ICAM2: variants seen among roughly 807,000 people sequenced by gnomAD.
ICAM2 encodes ICAM-2.
Under a neutral mutation model 19.1 loss-of-function variants are expected in ICAM2, and 14 were observed. That is an observed-to-expected ratio of 0.73 (90% CI 0.48 to 1.15). The LOEUF is 1.15. Ranked by LOEUF, ICAM2 falls within the 50% of genes most tolerant of loss-of-function variation. ICAM2 has a pLI of 0.00. For synonymous variants in ICAM2, 153 were observed against 152.7 expected (o/e 1.00, Z -0.01); for missense variants, 311 against 355.4 (o/e 0.88, Z 1.00).
intron 1 of ICAM2, among the ~76,000 whole-genome samples, chr17:64,007,142 G>A (rs969153482): frequency 1.5e-4 from 23 of 152,238 alleles, no homozygotes; most frequent in Non-Finnish European, 2.6e-4. Flanking sequence ...CATAGCAAAA[G>A]GGGACAGTGA....
At chr17:64,003,621 T>TC in intron 4 of ICAM2, 23 bp downstream of exon 4, 1 of 1,598,696 alleles carries the variant, frequency 6.3e-7, no homozygotes, top group East Asian at 2.2e-5. Flanking sequence ...CACTCCCAAC[T>TC]CCATCCACGG....
chr17:64,003,999 TG>T (rs781277327), intron 3 of ICAM2, 35 bp from the exon 4 acceptor site: 2 of 1,511,420 alleles, frequency 1.3e-6, no homozygotes, highest in South Asian at 1.2e-5. Context: ...CTGGTCAGGA[TG>T]GGGGTGCAGT....
chr17:64,014,718 GAAGGAAGA>G (rs1327373159), intron 1 of ICAM2, among the ~76,000 whole-genome samples: 69 of 9,620 alleles, frequency 7.2e-3, no homozygotes, highest in Admixed American at 0.022. Flanking sequence ...AGGAAGGAAG[GAAGGAAGA>G]AAGAAAGAAA....
At chr17:64,006,373 C>G (rs1911208302) in intron 2 of ICAM2, 5 of 438,492 alleles carry the variant, frequency 1.1e-5, no homozygotes, top group Admixed American at 3.9e-5. Flanking sequence ...CATGGTGGCT[C>G]TCACCTGTGA....
intron 1 of ICAM2, among the ~76,000 whole-genome samples, chr17:64,010,525 C>T (rs1911406687): frequency 8.0e-6 from 1 of 124,328 alleles, no homozygotes; most frequent in Non-Finnish European, 1.7e-5. Flanking sequence ...AGTGACTTTC[C>T]TCTCTTGTTT....
intron 1 of ICAM2, among the ~76,000 whole-genome samples, chr17:64,009,548 A>G (rs748656479): frequency 3.7e-4 from 57 of 152,246 alleles, no homozygotes; most frequent in Non-Finnish European, 6.8e-4. Context: ...CCTGGGTTCA[A>G]GTGATTCTCC....
rs187424357 is a variant in ICAM2 at position 64,012,061 on chromosome 17, T to C, written c.-44-5326A>G. Among the ~76,000 whole-genome samples, 5 of 152,320 alleles carry C rather than the reference T, an allele frequency of 3.3e-5. No individual in the cohort carries two copies. In the East Asian group the frequency reaches 5.8e-4, roughly 18 times the overall value. On this transcript the variant is annotated intron_variant, in intron 1 of 4. Transcript: ENST00000579788. ...ATGGATAAAGAAAATCTGATACATA[T>C]ATACAGTGGAATACTATTCAGCCTT...
intron 1 of ICAM2, among the ~76,000 whole-genome samples, chr17:64,008,704 C>G (rs1911320797): frequency 6.6e-6 from 1 of 152,202 alleles, no homozygotes; most frequent in South Asian, 2.1e-4. Context: ...GAGCCTGGTT[C>G]CCAGGAGACC....
At position 64,002,916 on chromosome 17, in the gene ICAM2, G is replaced by A. The variant is rs752562997; in HGVS notation, c.659C>T (p.Ser220Leu). The A allele has an allele frequency of 5.0e-6, 8 of 1,613,212 alleles. No homozygotes were observed. Among genetic ancestry groups the A allele is most frequent in the Non-Finnish European group, 6.8e-6 (8 of 1,179,668 alleles). The change falls in exon 5 of 5, where the codon TCG becomes TTG. Residue 220 changes from serine to leucine, a missense_variant. Transcript: ENST00000579788. ...GACTATGATGACCATCTGGCTGTCC[G>A]ACACAGGCTCTGGGGAGGGAGGGGG... ...PKMLEIYEPVSDSQMVIIVTV... is the reference protein window; with the variant it reads ...PKMLEIYEPVLDSQMVIIVTV...
chr17:64,004,561 G>A (rs1024104292), intron 3 of ICAM2: 5 of 172,682 alleles, frequency 2.9e-5, no homozygotes, highest in South Asian at 1.4e-4. Context: ...ATGTTTTTCT[G>A]TTCATTGATC....
In ICAM2 at chr17:64,005,263, C is replaced by A. The variant is rs1254256952; in HGVS notation, c.172G>T (p.Gly58Cys). ...TTATCTAGAGAGGTCTCCAGACCACCCACTTCAGGCTGGTTACAGGTGGTG... is the reference window on the plus strand; with the variant it reads ...TTATCTAGAGAGGTCTCCAGACCACACACTTCAGGCTGGTTACAGGTGGTG... ...CSTTCNQPEVGGLETSLDKIL... is the reference protein window; with the variant it reads ...CSTTCNQPEVCGLETSLDKIL... The change falls in exon 3 of 5, where the codon GGT becomes TGT. Residue 58 changes from glycine (G) to cysteine (C), a missense_variant. Transcript: ENST00000579788. The A allele has an allele frequency of 6.2e-7, 1 of 1,614,124 alleles. No individual in the cohort carries two copies. The highest frequency in any genetic ancestry group is 8.5e-7 in the Non-Finnish European group (1 of 1,180,012).
chr17:64,010,224 C>A (rs1198786715), intron 1 of ICAM2, among the ~76,000 whole-genome samples: 1 of 152,164 alleles, frequency 6.6e-6, no homozygotes, highest in African/African-American at 2.4e-5. Context: ...GCCTACACAC[C>A]TGTTGGTCCT....
At chr17:64,018,800 C>A (rs1242797756) in intron 1 of ICAM2, among the ~76,000 whole-genome samples, 2 of 139,928 alleles carry the variant, frequency 1.4e-5, no homozygotes, top group African/African-American at 5.4e-5. Context: ...TGGCTTACTG[C>A]AACCTCCACC....
intron 1 of ICAM2, among the ~76,000 whole-genome samples, chr17:64,018,333 CAAAAAAA>C (rs376250303): frequency 1.9e-5 from 1 of 52,736 alleles, no homozygotes; most frequent in Admixed American, 3.2e-4. Context: ...GACTCTATCT[CAAAAAAA>C]AAAAAAAAAA....
intron 1 of ICAM2, among the ~76,000 whole-genome samples, chr17:64,018,071 C>A (rs146188759): frequency 6.6e-6 from 1 of 151,976 alleles, no homozygotes; most frequent in African/African-American, 2.4e-5. Context: ...AGGTCGGGTG[C>A]GGCTGTGACG....
chr17:64,018,752 C>T (rs527573200), intron 1 of ICAM2, among the ~76,000 whole-genome samples: 149 of 109,670 alleles, frequency 1.4e-3, no homozygotes, highest in African/African-American at 5.0e-3. Flanking sequence ...GACGGGGTCT[C>T]GTTGTGTCGC....
intron 1 of ICAM2, among the ~76,000 whole-genome samples, chr17:64,015,892 G>A (rs1911703487): frequency 6.6e-6 from 1 of 152,028 alleles, no homozygotes; most frequent in African/African-American, 2.4e-5. Flanking sequence ...TAGAAATGGA[G>A]TTTTGCTGTA....
chr17:64,002,708 C>T lies in ICAM2; in HGVS notation c.*39G>A. 3.2e-6 allele frequency: 5 copies of T among 1,584,304 alleles called. No homozygotes were observed. Among genetic ancestry groups the T allele is most frequent in the Non-Finnish European group, 4.3e-6 (5 of 1,162,376 alleles). On this transcript the variant is annotated 3_prime_UTR_variant, in exon 5 of 5. Transcript: ENST00000579788. ...AACCCTGAGGAGTCACACTGAGTTC[C>T]AGTGACCACCGTGGTGGTGGCCATG...
intron 1 of ICAM2, among the ~76,000 whole-genome samples, chr17:64,008,341 C>A (rs1911304661): frequency 6.6e-6 from 1 of 152,168 alleles, no homozygotes; most frequent in Admixed American, 6.5e-5. Context: ...AAGCCAGGGG[C>A]TGGGACAGAA....
Sources: gnomAD v4.1 joint callset for allele counts (sites outside exome capture counted in the v4.1 genomes callset) on GRCh38, gnomAD v4.1.1 for gene constraint, MANE v1.5 for transcripts, NCBI Gene and HGNC (gene_info 2026-07-23, HGNC 2026-07-21) for gene names.